The following SCAF8 variants were observed in gnomAD, a reference collection of about 807,000 sequenced individuals.
SCAF8 encodes SR-related and CTD-associated factor 8.
In SCAF8, 23 loss-of-function variants were observed where a neutral mutation model predicts 140.5. That is an observed-to-expected ratio of 0.16 (90% CI 0.12 to 0.23). The LOEUF (loss-of-function observed/expected upper bound fraction) is 0.23. Ranked by LOEUF, SCAF8 falls within the 10% of genes least tolerant of loss-of-function variation. The pLI, the probability that SCAF8 is intolerant of heterozygous loss-of-function variation, is 1.00. For synonymous variants in SCAF8, 575 were observed against 528.9 expected (o/e 1.09, Z -1.20); for missense variants, 1,397 against 1,555.7 (o/e 0.90, Z 1.72).
intron 6 of SCAF8, among the ~76,000 whole-genome samples, chr6:154,799,024 C>T (rs934121584): frequency 1.3e-5 from 2 of 150,504 alleles, no homozygotes; most frequent in Non-Finnish European, 3.0e-5. Context: ...AGCCTGTCAC[C>T]CAGGCTGGAG....
chr6:154,815,565 A>G (rs1011287864), intron 12 of SCAF8, 151 bp from the exon 13 acceptor site: 2 of 353,324 alleles, frequency 5.7e-6, no homozygotes, highest in East Asian at 4.6e-5. Context: ...GTTTTTAAAC[A>G]TAACAGATGC....
At chr6:154,768,006 CCTTT>C (rs1484965155) in intron 1 of SCAF8, among the ~76,000 whole-genome samples, 2 of 152,084 alleles carry the variant, frequency 1.3e-5, no homozygotes, top group East Asian at 1.9e-4. Flanking sequence ...TGTAGGTATG[CCTTT>C]CTTATAACAA....
At chr6:154,808,862 C>A in intron 11 of SCAF8, 64 bp downstream of exon 11, 2 of 1,088,208 alleles carry the variant, frequency 1.8e-6, no homozygotes, top group Non-Finnish European at 2.8e-6. Flanking sequence ...TATTTCTTTG[C>A]ATCAGGATGA....
At chr6:154,814,245 G>T (rs1438445891) in intron 12 of SCAF8, among the ~76,000 whole-genome samples, 1 of 152,170 alleles carries the variant, frequency 6.6e-6, no homozygotes, top group Non-Finnish European at 1.5e-5. Flanking sequence ...TTGAGCCCGG[G>T]AGGTGAAAGT....
chr6:154,752,423 T>C lies in SCAF8; in HGVS notation c.30+18493T>C, dbSNP rs571489765. 6.4e-4 allele frequency among the ~76,000 whole-genome samples: 97 copies of C among 152,328 alleles called. 5 individuals are homozygous for C. In the South Asian group the frequency reaches 0.017, roughly 27 times the overall value. ...GTTGGTTTGAATATTTAAAAAAATC[T>C]AATGATTTTATAAAGTATTTGGAAA... On this transcript the variant is annotated intron_variant, in intron 1 of 19. Transcript: ENST00000367178.
intron 1 of SCAF8, among the ~76,000 whole-genome samples, chr6:154,766,351 G>A (rs1776565959): frequency 6.6e-6 from 1 of 152,124 alleles, no homozygotes; most frequent in South Asian, 2.1e-4. Context: ...CTCTAAAAAT[G>A]TTTCTATACC....
At position 154,733,459 on chromosome 6, in the gene SCAF8, T is replaced by A; in HGVS notation, c.-442T>A. ...GCTGCTGCCAGCGCTTCCTCCTCTG[T>A]CTTCGCCGAGCGGGGCTGGTTCCTG... On this transcript the variant is annotated 5_prime_UTR_variant, in exon 1 of 20. Coordinates refer to ENST00000367178, the MANE Select transcript of SCAF8 (RefSeq NM_014892.5). 7.3e-7 allele frequency: 1 copy of A among 1,375,336 alleles called. No individual in the cohort carries two copies. The highest frequency in any genetic ancestry group is 9.4e-7 in the Non-Finnish European group (1 of 1,066,528). The allele number at this position is 1,375,336 out of a possible 1,614,324, so 85.2% of individuals were successfully genotyped here. A position where few individuals can be genotyped will look rare whatever the true frequency, so the allele number is the denominator to read the frequency against.
intron 1 of SCAF8, among the ~76,000 whole-genome samples, chr6:154,754,552 A>G (rs1436137013): frequency 6.6e-6 from 1 of 152,212 alleles, no homozygotes; most frequent in East Asian, 1.9e-4. Flanking sequence ...GTAAATATCA[A>G]TCTTATCAGG....
intron 6 of SCAF8, among the ~76,000 whole-genome samples, chr6:154,796,129 G>A (rs1777593631): frequency 1.3e-5 from 2 of 152,058 alleles, no homozygotes; most frequent in African/African-American, 4.8e-5. Flanking sequence ...AATAATGATA[G>A]TGTACTCATT....
chr6:154,804,496 A>C (rs1777858287), intron 8 of SCAF8, among the ~76,000 whole-genome samples: 1 of 152,154 alleles, frequency 6.6e-6, no homozygotes, highest in Non-Finnish European at 1.5e-5. Flanking sequence ...CTGTAATGAG[A>C]AGTTAACTAA....
intron 1 of SCAF8, among the ~76,000 whole-genome samples, chr6:154,771,756 T>C (rs1271147104): frequency 6.6e-6 from 1 of 151,408 alleles, no homozygotes; most frequent in Non-Finnish European, 1.5e-5. Context: ...GAGGAAGGGG[T>C]TGAAAAACTG....
At chr6:154,779,037 T>C (rs1434848077) in intron 3 of SCAF8, among the ~76,000 whole-genome samples, 1 of 152,096 alleles carries the variant, frequency 6.6e-6, no homozygotes, top group Admixed American at 6.6e-5. Flanking sequence ...TTTGGTTTTT[T>C]TGTTTTTGTT....
chr6:154,827,295 T>TGTCAG, intron 18 of SCAF8, 55 bp downstream of exon 18: 1 of 1,193,798 alleles, frequency 8.4e-7, no homozygotes, highest in South Asian at 1.4e-5. Flanking sequence ...AATTTTAGTG[T>TGTCAG]GTCAGTTCTC....
chr6:154,751,000 G>C (rs1778823742), intron 1 of SCAF8, among the ~76,000 whole-genome samples: 1 of 152,216 alleles, frequency 6.6e-6, no homozygotes, highest in Non-Finnish European at 1.5e-5. Context: ...GGTGGACTGT[G>C]TGGATCCCAG....
chr6:154,738,833 T>C (rs1778495462), intron 1 of SCAF8, among the ~76,000 whole-genome samples: 1 of 152,232 alleles, frequency 6.6e-6, no homozygotes, highest in Admixed American at 6.6e-5. Context: ...TACTCTGTAC[T>C]TAAGAATGAT....
intron 18 of SCAF8, among the ~76,000 whole-genome samples, chr6:154,830,530 A>C (rs893212082): frequency 6.6e-6 from 1 of 152,202 alleles, no homozygotes; most frequent in African/African-American, 2.4e-5. Flanking sequence ...ACCCTAGTAC[A>C]TTGTAATTGC....
intron 1 of SCAF8, among the ~76,000 whole-genome samples, chr6:154,739,026 C>G (rs935381465): frequency 6.6e-6 from 1 of 152,134 alleles, no homozygotes; most frequent in Non-Finnish European, 1.5e-5. Flanking sequence ...GTTTCTCTTG[C>G]CCAGGCTAGA....
chr6:154,783,923 C>T (rs1199707620), intron 3 of SCAF8, among the ~76,000 whole-genome samples: 1 of 151,724 alleles, frequency 6.6e-6, no homozygotes, highest in Admixed American at 6.6e-5. Context: ...AAAAATTAGG[C>T]AGGCGCGGTA....
intron 9 of SCAF8, among the ~76,000 whole-genome samples, chr6:154,806,179 G>A (rs1392778948): frequency 6.6e-6 from 1 of 152,124 alleles, no homozygotes; most frequent in Non-Finnish European, 1.5e-5. Flanking sequence ...TGAGTTGTAA[G>A]GATCCTTTAA....
Sources: allele counts gnomAD v4.1 joint callset (sites outside exome capture counted in the v4.1 genomes callset), GRCh38; gene constraint gnomAD v4.1.1; transcripts MANE v1.5; gene names NCBI Gene and HGNC (gene_info 2026-07-23, HGNC 2026-07-21).